NKAIN3: variants seen among roughly 807,000 people sequenced by gnomAD.
The protein encoded by NKAIN3 is sodium/potassium transporting ATPase interacting 3.
NKAIN3 carries 25 observed loss-of-function variants against 30.2 expected under a neutral mutation model. The observed-to-expected ratio is 0.83, with a 90% CI of 0.60 to 1.16. The LOEUF (loss-of-function observed/expected upper bound fraction) is 1.16, where lower values mean the gene tolerates loss of function less well. Ranked by LOEUF, NKAIN3 falls within the 50% of genes most tolerant of loss-of-function variation. NKAIN3 has a pLI of 0.00. For synonymous variants in NKAIN3, 91 were observed against 89.6 expected, an observed-to-expected ratio of 1.02 and a Z score of -0.09; for missense variants, 225 against 254.1, an observed-to-expected ratio of 0.89 and a Z score of 0.78.
At chr8:62,513,232 T>C (rs1807867822) in intron 1 of NKAIN3, among the ~76,000 whole-genome samples, 1 of 151,606 alleles carries the variant, frequency 6.6e-6, no homozygotes, top group South Asian at 2.1e-4. Context: ...TTGTGATAAA[T>C]AGATGCCTCA....
At chr8:62,764,114 T>C (rs1390996121) in intron 4 of NKAIN3, among the ~76,000 whole-genome samples, 1 of 152,246 alleles carries the variant, frequency 6.6e-6, no homozygotes, top group Non-Finnish European at 1.5e-5. Context: ...ATTTGGCTGA[T>C]GCCCTTTGGG....
At chr8:62,270,026 CCTT>C (rs1197185397) in intron 1 of NKAIN3, among the ~76,000 whole-genome samples, 1 of 151,816 alleles carries the variant, frequency 6.6e-6, no homozygotes, top group African/African-American at 2.4e-5. Flanking sequence ...ATGCGGAGGT[CCTT>C]ATTATTATTA....
intron 3 of NKAIN3, among the ~76,000 whole-genome samples, chr8:62,632,547 G>T (rs908987203): frequency 6.6e-6 from 1 of 152,076 alleles, no homozygotes; most frequent in African/African-American, 2.4e-5. Flanking sequence ...CTGTCACTCA[G>T]GCTGGAGTGC....
chr8:62,752,430 T>C (rs1482405047), intron 4 of NKAIN3, among the ~76,000 whole-genome samples: 1 of 152,220 alleles, frequency 6.6e-6, no homozygotes, highest in Non-Finnish European at 1.5e-5. Flanking sequence ...CATGAGAACA[T>C]AATTCCTGTG....
chr8:62,854,591 T>C (rs755539737), intron 4 of NKAIN3, among the ~76,000 whole-genome samples: 1 of 152,188 alleles, frequency 6.6e-6, no homozygotes, highest in Non-Finnish European at 1.5e-5. Flanking sequence ...CTGTGTGTCT[T>C]TGCATGTTAG....
intron 3 of NKAIN3, among the ~76,000 whole-genome samples, chr8:62,680,897 AAAGAT>A (rs1813625820): frequency 6.6e-6 from 1 of 152,234 alleles, no homozygotes; most frequent in Non-Finnish European, 1.5e-5. Flanking sequence ...GGAAAGTTAT[AAAGAT>A]AAGTAATTGT....
At chr8:62,765,443 A>T (rs1816808256) in intron 4 of NKAIN3, among the ~76,000 whole-genome samples, 1 of 152,084 alleles carries the variant, frequency 6.6e-6, no homozygotes, top group Non-Finnish European at 1.5e-5. Flanking sequence ...GATTGATGGA[A>T]AGGACCTGCC....
chr8:62,982,790 A>T lies in NKAIN3; in HGVS notation c.*17383A>T, dbSNP rs1824115911. The T allele has an allele frequency of 6.6e-6, 1 of 152,162 alleles. No individual in the cohort carries two copies. The highest frequency in any genetic ancestry group is 1.5e-5 in the Non-Finnish European group (1 of 68,030). The allele number at this position is 152,162 out of a possible 1,614,324, so 9.4% of individuals were successfully genotyped here. A position where few individuals can be genotyped will look rare whatever the true frequency, so the allele number is the denominator to read the frequency against. ...GAAAAGAGAAGCATTTATAGCAAGC[A>T]TGGGTGTGGCATGCTTTCTCTGTGG... On this transcript the variant is annotated 3_prime_UTR_variant, in exon 7 of 7. Transcript: ENST00000623646.
chr8:62,987,610 C>A (rs1395343307), downstream of NKAIN3, among the ~76,000 whole-genome samples: 1 of 152,098 alleles, frequency 6.6e-6, no homozygotes, highest in Non-Finnish European at 1.5e-5. Context: ...AATTTACTAT[C>A]ATGAGCACAG....
At chr8:62,760,922 A>G (rs1816638234) in intron 4 of NKAIN3, among the ~76,000 whole-genome samples, 1 of 152,160 alleles carries the variant, frequency 6.6e-6, no homozygotes, top group Non-Finnish European at 1.5e-5. Flanking sequence ...GGGTACAGGA[A>G]GCCTCTGCAC....
intron 1 of NKAIN3, among the ~76,000 whole-genome samples, chr8:62,294,912 A>G (rs767742795): frequency 7.2e-5 from 11 of 152,148 alleles, no homozygotes; most frequent in African/African-American, 1.2e-4. Flanking sequence ...CAACACTTCT[A>G]TCCTTTCCAG....
chr8:62,251,002 A>T (rs1330903044), intron 1 of NKAIN3, among the ~76,000 whole-genome samples: 4 of 152,172 alleles, frequency 2.6e-5, no homozygotes, highest in Non-Finnish European at 5.9e-5. Flanking sequence ...GGACCATAGT[A>T]CTAGTGATCT....
intron 1 of NKAIN3, among the ~76,000 whole-genome samples, chr8:62,351,624 G>A (rs1038335406): frequency 6.6e-6 from 1 of 151,726 alleles, no homozygotes; most frequent in African/African-American, 2.4e-5. Flanking sequence ...TGTGCAAATT[G>A]GACAAATTAT....
intron 4 of NKAIN3, among the ~76,000 whole-genome samples, chr8:62,870,755 A>ATCTC (rs1820616242): frequency 1.4e-5 from 2 of 143,202 alleles, no homozygotes; most frequent in Non-Finnish European, 3.0e-5. Flanking sequence ...AGATATCTAG[A>ATCTC]TATATAGATA....
chr8:62,780,133 T>A (rs1396694111), intron 4 of NKAIN3, among the ~76,000 whole-genome samples: 1 of 151,944 alleles, frequency 6.6e-6, no homozygotes, highest in Non-Finnish European at 1.5e-5. Context: ...CAGAGAAATA[T>A]AAATGATCAT....
chr8:62,375,950 T>C (rs182306421), intron 1 of NKAIN3, among the ~76,000 whole-genome samples: 16 of 152,322 alleles, frequency 1.1e-4, no homozygotes, highest in African/African-American at 2.9e-4. Context: ...GAGTTCTTAC[T>C]TGGATTTCTT....
intron 1 of NKAIN3, among the ~76,000 whole-genome samples, chr8:62,498,749 A>T (rs1807321141): frequency 6.6e-6 from 1 of 150,702 alleles, no homozygotes; most frequent in Non-Finnish European, 1.5e-5. Context: ...GTATTGCTAT[A>T]TAGTAGGACT....
chr8:62,759,965 G>T (rs966614982), intron 4 of NKAIN3, among the ~76,000 whole-genome samples: 4 of 152,150 alleles, frequency 2.6e-5, no homozygotes, highest in African/African-American at 4.8e-5. Context: ...AGTGGGTGAA[G>T]GATATGAACA....
chr8:62,422,018 G>A (rs1207802677), intron 1 of NKAIN3, among the ~76,000 whole-genome samples: 1 of 152,038 alleles, frequency 6.6e-6, no homozygotes, highest in East Asian at 1.9e-4. Flanking sequence ...TGCTATTACA[G>A]CAGGTTTTTA....
Sources: allele counts gnomAD v4.1 joint callset (sites outside exome capture counted in the v4.1 genomes callset), GRCh38; gene constraint gnomAD v4.1.1; transcripts MANE v1.5; gene names NCBI Gene and HGNC (gene_info 2026-07-23, HGNC 2026-07-21).